USP13: variants seen among roughly 807,000 people sequenced by gnomAD.
The protein encoded by USP13 is ubiquitin carboxyl-terminal hydrolase 13.
A neutral mutation model predicts 107.8 loss-of-function variants in USP13; 68 were observed. The observed-to-expected ratio is 0.63, with a 90% CI of 0.52 to 0.77. The LOEUF is 0.77. USP13 is among the 30% of genes least tolerant of loss of function. The probability of loss-of-function intolerance (pLI) is 0.00; values close to 1 mark genes in which losing one functional copy is unlikely to be tolerated. For missense variants in USP13, 945 were observed against 1,093.3 expected, an observed-to-expected ratio of 0.86 and a Z score of 1.91; for synonymous variants, 377 against 389.5, an observed-to-expected ratio of 0.97 and a Z score of 0.38.
chr3:179,778,655 A>G (rs1001526918), intron 19 of USP13, among the ~76,000 whole-genome samples: 97 of 152,274 alleles, frequency 6.4e-4, no homozygotes, highest in African/African-American at 2.3e-3. Flanking sequence ...AGTCCCAGCT[A>G]CTTGGGAGGT....
intron 19 of USP13, among the ~76,000 whole-genome samples, chr3:179,774,287 C>T (rs995157204): frequency 1.3e-5 from 2 of 152,220 alleles, no homozygotes; most frequent in Admixed American, 6.5e-5. Context: ...ATACCTCCCA[C>T]TATGTCCGGA....
In USP13 at chr3:179,653,171, G is replaced by A; in HGVS notation, c.-55G>A. On this transcript the variant is annotated 5_prime_UTR_variant, in exon 1 of 21. Coordinates refer to ENST00000263966, the MANE Select transcript of USP13 (RefSeq NM_003940.3). This position sits in a 1 kb window ranked among gnomAD's most constrained non-coding sequence, Gnocchi z 4.0. ...CTCGCTGGCGCCGCCGCCGCCGGCA[G>A]ACCCCGCGCTCCGGCTCCGGCTCGG... 1.7e-6 allele frequency: 2 copies of A among 1,149,488 alleles called. No homozygotes were observed. Among genetic ancestry groups the A allele is most frequent in the Non-Finnish European group, 2.1e-6 (2 of 933,338 alleles). The allele number at this position is 1,149,488 out of a possible 1,614,324, so 71.2% of individuals were successfully genotyped here.
At chr3:179,654,933 C>CTT (rs58952724) in intron 1 of USP13, among the ~76,000 whole-genome samples, 5,963 of 151,516 alleles carry the variant, frequency 0.039, 370 homozygotes, top group African/African-American at 0.13. Context: ...TGATTGTTTA[C>CTT]TTTTTTTTTC....
intron 8 of USP13, among the ~76,000 whole-genome samples, chr3:179,723,733 A>T (rs1350311341): frequency 6.6e-6 from 1 of 152,196 alleles, no homozygotes; most frequent in Non-Finnish European, 1.5e-5. Flanking sequence ...ACATGTCTTC[A>T]GTCTTTTCAC....
At chr3:179,716,174 T>C (rs1301177526) in intron 6 of USP13, among the ~76,000 whole-genome samples, 2 of 152,178 alleles carry the variant, frequency 1.3e-5, no homozygotes, top group African/African-American at 4.8e-5. Flanking sequence ...TCCACCTGCC[T>C]TGGCCTCCCA....
At chr3:179,769,730 A>T (rs141048820) in intron 19 of USP13, among the ~76,000 whole-genome samples, 84 of 152,294 alleles carry the variant, frequency 5.5e-4, no homozygotes, top group African/African-American at 2.0e-3. Context: ...TTCTTAAAGG[A>T]TGAATTCAAT....
intron 19 of USP13, among the ~76,000 whole-genome samples, chr3:179,769,277 C>T (rs1428515432): frequency 6.6e-6 from 1 of 152,116 alleles, no homozygotes; most frequent in East Asian, 1.9e-4. Flanking sequence ...CTATTATAAA[C>T]ATGTACCATA....
rs201774152 is a variant in USP13, at chr3:179,767,349, G to GTAT, written c.2413+1501_2413+1502insTAT. Among the ~76,000 whole-genome samples, 822 of 152,176 alleles carry GTAT rather than the reference G, an allele frequency of 5.4e-3. 10 individuals are homozygous for GTAT. The highest frequency in any genetic ancestry group is 0.019 in the African/African-American group (777 of 41,526). ...AAGGTCTCATAGCTAGTGATGGATA[G>GTAT]AACCACAATTCCAGTGCAGGCAGTC... On this transcript the variant is annotated intron_variant, in intron 19 of 20. Transcript: ENST00000263966.
chr3:179,730,345 A>G lies in USP13; in HGVS notation c.1160+85A>G, dbSNP rs1448815255. 3 of 1,334,072 alleles carry G rather than the reference A, an allele frequency of 2.2e-6. No homozygotes were observed. In the East Asian group the frequency reaches 6.9e-5, roughly 31 times the overall value. 82.6% of individuals were successfully genotyped at this position (1,334,072 alleles called of 1,614,324 possible). A position where few individuals can be genotyped will look rare whatever the true frequency, so the allele number is the denominator to read the frequency against. ...GTGGATATCTCTGGGTTGCAAAATTAAAGGCAATTCTTCATGTATTTTTAA... is the reference window on the plus strand; with the variant it reads ...GTGGATATCTCTGGGTTGCAAAATTGAAGGCAATTCTTCATGTATTTTTAA... On this transcript the variant is annotated intron_variant, in intron 9 of 20. Coordinates refer to ENST00000263966, the MANE Select transcript of USP13 (RefSeq NM_003940.3).
At chr3:179,751,352 TC>T (rs1714603853) in intron 13 of USP13, among the ~76,000 whole-genome samples, 1 of 152,180 alleles carries the variant, frequency 6.6e-6, no homozygotes, top group Non-Finnish European at 1.5e-5. Context: ...TGGATACTTA[TC>T]CCATAATATG....
At chr3:179,727,269 A>G (rs1713560717) in intron 8 of USP13, among the ~76,000 whole-genome samples, 1 of 138,052 alleles carries the variant, frequency 7.2e-6, no homozygotes, top group African/African-American at 2.7e-5. Context: ...GCAGATAAAC[A>G]AGTGAACAAA....
At chr3:179,670,467 TC>T (rs1379590843) in intron 1 of USP13, among the ~76,000 whole-genome samples, 1 of 152,102 alleles carries the variant, frequency 6.6e-6, no homozygotes, top group Non-Finnish European at 1.5e-5. Flanking sequence ...ACATTGAGCA[TC>T]CCCTTTTGTA....
At position 179,781,788 on chromosome 3, in the gene USP13, T is replaced by C; in HGVS notation, c.2463T>C (p.Ser821=). 6.2e-7 allele frequency: 1 copy of C among 1,613,790 alleles called. No individual in the cohort carries two copies. Among genetic ancestry groups the C allele is most frequent in the Non-Finnish European group, 8.5e-7 (1 of 1,179,924 alleles). The part of the protein sequence containing the change: ...FISHMGTSTM[S]GHYICHIKKE... ...GTCACATGGGAACATCCACAATGAG[T>C]GGTCATTACATTTGCCATATCAAAA... is the stretch of plus-strand genomic sequence containing the variant. The change falls in exon 20 of 21, where the codon AGT becomes AGC. Residue 821 remains serine, a synonymous_variant. Transcript: ENST00000263966.
intron 18 of USP13, 116 bp from the exon 19 acceptor site, chr3:179,765,579 C>T (rs916669659): frequency 8.7e-6 from 11 of 1,268,504 alleles, no homozygotes; most frequent in Non-Finnish European, 1.2e-5. Flanking sequence ...GCACTTAGGA[C>T]TAATTAATTC....
chr3:179,762,125 G>A (rs1048808428), intron 17 of USP13, among the ~76,000 whole-genome samples: 5 of 152,154 alleles, frequency 3.3e-5, no homozygotes, highest in Non-Finnish European at 5.9e-5. Context: ...CCACGAATCT[G>A]TTTTCTGGAT....
At chr3:179,746,433 T>A (rs1247482299) in intron 13 of USP13, among the ~76,000 whole-genome samples, 1 of 150,176 alleles carries the variant, frequency 6.7e-6, no homozygotes, top group Non-Finnish European at 1.5e-5. Context: ...TTTGTATATT[T>A]TTTTTTGTTT....
At chr3:179,701,150 G>T in intron 4 of USP13, 21 bp downstream of exon 4, 1 of 1,397,196 alleles carries the variant, frequency 7.2e-7, no homozygotes, top group South Asian at 1.1e-5. Flanking sequence ...GTGCACGGCT[G>T]CTAGCTAGAT....
intron 15 of USP13, 93 bp from the exon 16 acceptor site, chr3:179,756,959 C>A: frequency 7.5e-7 from 1 of 1,329,538 alleles, no homozygotes; most frequent in Non-Finnish European, 1.1e-6. Context: ...GTGGGGAGGG[C>A]ATTGGAAATG....
At chr3:179,739,817 C>G (rs779118989) in intron 10 of USP13, among the ~76,000 whole-genome samples, 1 of 152,182 alleles carries the variant, frequency 6.6e-6, no homozygotes, top group East Asian at 1.9e-4. Context: ...CCTCGGCCTC[C>G]CAAAATGCTA....
Sources: allele counts gnomAD v4.1 joint callset (sites outside exome capture counted in the v4.1 genomes callset), GRCh38; gene constraint gnomAD v4.1.1; non-coding constraint Gnocchi (gnomAD v3.1); transcripts MANE v1.5; gene names NCBI Gene and HGNC (gene_info 2026-07-23, HGNC 2026-07-21).